Variants in ANKLE2 observed in about 807,000 individuals in gnomAD.
ANKLE2 encodes the protein ankyrin repeat and LEM domain containing 2.
A neutral mutation model predicts 84.2 loss-of-function variants in ANKLE2; 55 were observed. The ratio of observed to expected loss-of-function variants is 0.65; its 90% CI spans 0.53 to 0.82. ANKLE2 has a LOEUF of 0.82. Among genes scored for constraint, ANKLE2 ranks in the 40% least tolerant of loss-of-function variants. The pLI, the probability that ANKLE2 is intolerant of heterozygous loss-of-function variation, is 0.00. For synonymous variants in ANKLE2, 551 were observed against 486.1 expected (o/e 1.13, Z -1.76); for missense variants, 1,238 against 1,201.9 (o/e 1.03, Z -0.44).
In ANKLE2 at chr12:132,743,368, CATTT is replaced by C. The variant is rs761833471; in HGVS notation, c.1231-96_1231-93del. On this transcript the variant is annotated intron_variant, in intron 5 of 12. Transcript: ENST00000357997. This position sits in a 1 kb window ranked among gnomAD's most constrained non-coding sequence, Gnocchi z 4.1. ...ATACATATTCATTCATTCATTCATTCATTTATTTATTTTGAGACGGAGTCTCACT... is the reference window on the plus strand; with the variant it reads ...ATACATATTCATTCATTCATTCATTCATTTATTTTGAGACGGAGTCTCACT... 2.1e-4 allele frequency: 302 copies of C among 1,407,536 alleles called. No homozygotes were observed. The highest frequency in any genetic ancestry group is 2.6e-4 in the Non-Finnish European group (273 of 1,056,648). The allele number at this position is 1,407,536 out of a possible 1,614,324, so 87.2% of individuals were successfully genotyped here.
chr12:132,742,798 T>TCTTCATCACCATCCTCAC (rs2044158070), intron 6 of ANKLE2, among the ~76,000 whole-genome samples: 2 of 660 alleles, frequency 3.0e-3, no homozygotes, highest in Non-Finnish European at 6.1e-3. Context: ...ATCATCACCA[T>TCTTCATCACCATCCTCAC]CACCATCATC....
intron 3 of ANKLE2, among the ~76,000 whole-genome samples, chr12:132,750,191 C>A (rs1229704345): frequency 9.5e-6 from 1 of 105,086 alleles, no homozygotes; most frequent in African/African-American, 3.8e-5. Flanking sequence ...GGCGACAGAG[C>A]AAGACTCCAT....
intron 1 of ANKLE2, chr12:132,758,889 G>C (rs1363888209): frequency 6.6e-6 from 1 of 150,698 alleles, no homozygotes; most frequent in African/African-American, 2.4e-5. Flanking sequence ...CCACGTGGCA[G>C]AGTGGATCGC....
chr12:132,735,294 C>G (rs1423457411), intron 9 of ANKLE2, 112 bp downstream of exon 9: 1 of 1,011,050 alleles, frequency 9.9e-7, no homozygotes, highest in African/African-American at 1.6e-5. Context: ...CCAAGTCTCC[C>G]AGAAAAGCCT....
intron 2 of ANKLE2, among the ~76,000 whole-genome samples, chr12:132,753,539 G>A (rs780039461): frequency 2.0e-5 from 3 of 152,124 alleles, no homozygotes; most frequent in Non-Finnish European, 4.4e-5. Flanking sequence ...GCCGAGGTGG[G>A]CAGATCACGA....
At chr12:132,730,599 G>C (rs1039604870) in intron 10 of ANKLE2, 19 of 324,654 alleles carry the variant, frequency 5.9e-5, no homozygotes, top group Admixed American at 3.9e-4. Context: ...ATGGCAGGGG[G>C]GTCGCTGGAC....
chr12:132,761,646 C>G lies in ANKLE2; in HGVS notation c.153G>C (p.Pro51=), dbSNP rs2044628727. 1.3e-5 allele frequency: 16 copies of G among 1,268,336 alleles called. No individual in the cohort carries two copies. The highest frequency in any genetic ancestry group is 1.6e-5 in the Non-Finnish European group (16 of 1,008,416). The allele number at this position is 1,268,336 out of a possible 1,614,324, so 78.6% of individuals were successfully genotyped here. The change falls in exon 1 of 13, where the codon CCG becomes CCC. Residue 51 remains proline (P), a synonymous_variant. Transcript: ENST00000357997. ...AGGCGGGGGCGGCGGCCGCGCTTGG[C>G]GGAGGAACTGGGGTCCCGCTGCGGC... is the stretch of plus-strand genomic sequence containing the variant. ...GLGRSGTPVP[P]PSAAAAPASG... is the part of the protein sequence containing the mutation.
Position 132,761,692 on chromosome 12 carries a change from C to A in ANKLE2, c.107G>T (p.Gly36Val). The A allele has an allele frequency of 7.4e-7, 1 of 1,348,124 alleles. No homozygotes were observed. Among genetic ancestry groups the A allele is most frequent in the Non-Finnish European group, 9.6e-7 (1 of 1,042,266 alleles). The allele number at this position is 1,348,124 out of a possible 1,614,324, so 83.5% of individuals were successfully genotyped here. ...GCGGCCCAGACCTCCCGGCCGCGGG[C>A]CCAGCCGCCGCACCAGCCACCGCAC... ...IAVRWLVRRL[G>V]PRPGGLGRSG... Residue 36 changes from glycine (G) to valine (V), a missense_variant, in exon 1 of 13, where the codon GGC becomes GTC. By Grantham distance (109) the Gly-to-Val change is moderately radical (BLOSUM62 -3). Transcript: ENST00000357997.
At chr12:132,758,389 TA>T (rs774928348) in intron 1 of ANKLE2, 16 of 147,632 alleles carry the variant, frequency 1.1e-4, no homozygotes, top group Non-Finnish European at 1.2e-4. Context: ...AGACTCCACC[TA>T]AAAAAAAAAG....
In ANKLE2 at chr12:132,739,588, TA is replaced by T. The variant is rs560016358; in HGVS notation, c.1420+1830del. On this transcript the variant is annotated intron_variant, in intron 7 of 12. Coordinates refer to ENST00000357997, the MANE Select transcript of ANKLE2 (RefSeq NM_015114.3). ...TTGGCATATTGATTTGAGTCCCTTT[TA>T]ACAATTTCTGTCTACAGATGGGACT... is the stretch of plus-strand genomic sequence containing the variant. 9.8e-5 allele frequency among the ~76,000 whole-genome samples: 15 copies of T among 152,348 alleles called. No homozygotes were observed. In the South Asian group the frequency reaches 3.1e-3, roughly 32 times the overall value.
At chr12:132,734,820 A>C (rs1292549840) in intron 9 of ANKLE2, 1 of 491,146 alleles carries the variant, frequency 2.0e-6, no homozygotes, top group African/African-American at 2.0e-5. Flanking sequence ...GGCAGGAAGG[A>C]GGCCTCAGCC....
rs1017795331 is a variant in ANKLE2, at chr12:132,743,591, C to T, written c.1231-315G>A. Among the ~76,000 whole-genome samples the T allele has an allele frequency of 2.0e-5, 3 of 151,506 alleles. No homozygotes were observed. Among genetic ancestry groups the T allele is most frequent in the African/African-American group, 4.9e-5 (2 of 41,226 alleles). ...CTCGAACTCCTGACCTCAGGTGATC[C>T]ACCTGCCTTTGCCTCCCAAAGTGCT... On this transcript the variant is annotated intron_variant, in intron 5 of 12. Coordinates refer to ENST00000357997, the MANE Select transcript of ANKLE2 (RefSeq NM_015114.3). The surrounding 1 kb of genome is among the most constrained non-coding windows in gnomAD (Gnocchi z 4.1).
rs756880581 is a variant in ANKLE2 at position 132,761,606 on chromosome 12, C to T, written c.181+12G>A. 2.4e-6 allele frequency: 3 copies of T among 1,230,952 alleles called. No homozygotes were observed. The South Asian group carries it at 1.0e-4, about 42-fold the overall frequency. The allele number at this position is 1,230,952 out of a possible 1,614,324, so 76.3% of individuals were successfully genotyped here. A position where few individuals can be genotyped will look rare whatever the true frequency, so the allele number is the denominator to read the frequency against. On this transcript the variant is annotated intron_variant, in intron 1 of 12. Transcript: ENST00000357997. ...CCAGGGTGCGGGGACCCAGCGACCG[C>T]CTGGGCCTTACCTGAGGCGGGGGCG...
intron 7 of ANKLE2, among the ~76,000 whole-genome samples, chr12:132,739,971 G>A (rs1221318096): frequency 6.6e-6 from 1 of 152,200 alleles, no homozygotes; most frequent in Non-Finnish European, 1.5e-5. Flanking sequence ...TCTTAGAGGC[G>A]ACAGTGTTTT....
intron 10 of ANKLE2, among the ~76,000 whole-genome samples, chr12:132,733,087 C>T (rs1267739632): frequency 1.1e-4 from 14 of 132,020 alleles, no homozygotes; most frequent in Admixed American, 8.7e-4. Context: ...TGATACGCAC[C>T]GTGTGAAGCT....
intron 3 of ANKLE2, chr12:132,749,169 TG>T (rs753192351): frequency 6.6e-6 from 1 of 152,248 alleles, no homozygotes; most frequent in Non-Finnish European, 1.5e-5. Flanking sequence ...CTGATTTTTT[TG>T]GGGGGGACGC....
At chr12:132,741,537 A>C (rs1566023138) in intron 6 of ANKLE2, 52 bp from the exon 7 acceptor site, 1 of 1,524,772 alleles carries the variant, frequency 6.6e-7, no homozygotes, top group South Asian at 1.1e-5. Context: ...ACATTTCCTT[A>C]TCATTACAAT....
At position 132,727,187 on chromosome 12, in the gene ANKLE2, A is replaced by C. The variant is rs76166367; in HGVS notation, c.*55T>G. The C allele has an allele frequency of 1.4e-6, 2 of 1,464,220 alleles. No individual in the cohort carries two copies. The highest frequency in any genetic ancestry group is 2.8e-5 in the African/African-American group (2 of 70,498). The allele number at this position is 1,464,220 out of a possible 1,614,324, so 90.7% of individuals were successfully genotyped here. A position where few individuals can be genotyped will look rare whatever the true frequency, so the allele number is the denominator to read the frequency against. On this transcript the variant is annotated 3_prime_UTR_variant, in exon 13 of 13. Coordinates refer to ENST00000357997, the MANE Select transcript of ANKLE2 (RefSeq NM_015114.3). ...CCTTTTTGACAGTTTAGCAATAAAC[A>C]TATGACCCTTCCTTCTTTAAAAATG...
intron 2 of ANKLE2, among the ~76,000 whole-genome samples, chr12:132,752,003 A>ACATTTT (rs2044367422): frequency 2.0e-5 from 3 of 152,252 alleles, no homozygotes; most frequent in African/African-American, 7.2e-5. Context: ...ACAAAAATTT[A>ACATTTT]TGAACAATGT....
Sources: allele counts gnomAD v4.1 joint callset (sites outside exome capture counted in the v4.1 genomes callset), GRCh38; gene constraint gnomAD v4.1.1; non-coding constraint Gnocchi (gnomAD v3.1); transcripts MANE v1.5; gene names NCBI Gene and HGNC (gene_info 2026-07-23, HGNC 2026-07-21).